The following CFAP46 variants were observed in gnomAD, a reference collection of about 807,000 sequenced individuals.
The protein encoded by CFAP46 is cilia and flagella associated protein 46.
CFAP46 carries 245 observed loss-of-function variants against 325.7 expected under a neutral mutation model. The observed-to-expected ratio is 0.75, with a 90% CI of 0.68 to 0.84. The LOEUF (loss-of-function observed/expected upper bound fraction) is 0.84, where lower values mean the gene tolerates loss of function less well. CFAP46 is among the 40% of genes least tolerant of loss of function. The pLI, the probability that CFAP46 is intolerant of heterozygous loss-of-function variation, is 0.00. For missense variants in CFAP46, 3,346 were observed against 3,543.0 expected (o/e 0.94, Z 1.41); for synonymous variants, 1,523 against 1,495.9 (o/e 1.02, Z -0.42).
At chr10:132,938,837 G>A (rs532958008) in intron 4 of CFAP46, 84 bp from the exon 5 acceptor site, 55 of 1,380,200 alleles carry the variant, frequency 4.0e-5, no homozygotes, top group Admixed American at 5.9e-5. Context: ...CTGTGTCTCC[G>A]GAGCCCCTCC....
rs757690129 is a variant in CFAP46, at chr10:132,885,940, C to A, written c.3324G>T (p.Ala1108=). 1.9e-6 allele frequency: 3 copies of A among 1,549,930 alleles called. No individual in the cohort carries two copies. The African/African-American group carries it at 4.1e-5, about 21-fold the overall frequency. Residue 1108 remains alanine, a synonymous_variant, in exon 26 of 58, where the codon GCG becomes GCT. Transcript: ENST00000368586. ...YFLPGAEDDL[A]LRAALYGLLF... is the part of the protein sequence containing the mutation. Reference sequence around the variant, plus strand: ...GCAGGCCGTAGAGCGCAGCACGGAGCGCCAGGTCGTCCTCAGCCCCTGGGA... The same window carrying A: ...GCAGGCCGTAGAGCGCAGCACGGAGAGCCAGGTCGTCCTCAGCCCCTGGGA...
At chr10:132,819,928 G>T (rs1372983486) in intron 50 of CFAP46, among the ~76,000 whole-genome samples, 1 of 152,202 alleles carries the variant, frequency 6.6e-6, no homozygotes, top group Admixed American at 6.5e-5. Context: ...TATGGCTAAG[G>T]AAATAACGTA....
chr10:132,882,493 G>T (rs980265181), intron 27 of CFAP46, among the ~76,000 whole-genome samples: 2 of 151,904 alleles, frequency 1.3e-5, no homozygotes, highest in African/African-American at 4.8e-5. Flanking sequence ...AACATCTCGA[G>T]GGGGAAGGCA....
chr10:132,922,662 T>G lies in CFAP46; in HGVS notation c.1303A>C (p.Ile435Leu), dbSNP rs1168471851. 16 of 1,549,884 alleles carry G rather than the reference T, an allele frequency of 1.0e-5. No individual in the cohort carries two copies. Among genetic ancestry groups the G allele is most frequent in the Non-Finnish European group, 1.1e-5 (13 of 1,146,796 alleles). ...TCCAGCCGGTCCTCGTCCTCCTCGA[T>G]CTGCGCCATCTCCATGTGCACTTGA... Reference protein sequence around the residue: ...RCQVHMEMAQIEEDEDRLEPA... With the variant: ...RCQVHMEMAQLEEDEDRLEPA... Residue 435 changes from isoleucine to leucine, a missense_variant, in exon 12 of 58, where the codon ATC becomes CTC. Coordinates refer to ENST00000368586, the MANE Select transcript of CFAP46 (RefSeq NM_001200049.3).
intron 4 of CFAP46, among the ~76,000 whole-genome samples, chr10:132,940,558 G>A (rs990725090): frequency 2.0e-5 from 3 of 152,154 alleles, no homozygotes; most frequent in Non-Finnish European, 4.4e-5. Flanking sequence ...GTGCGCCCGG[G>A]GAGGCCCTGG....
chr10:132,838,143 AGTCT>A (rs1458030473), intron 44 of CFAP46, among the ~76,000 whole-genome samples: 2 of 152,308 alleles, frequency 1.3e-5, no homozygotes, highest in African/African-American at 2.4e-5. Flanking sequence ...GTGGACTATG[AGTCT>A]GTCTAATACC....
In CFAP46 at chr10:132,836,102, TGCCCTGCTCCCCCTCCCCCTCCCCTGCA is replaced by T. The variant is rs767658440; in HGVS notation, c.6613+12_6613+39del. On this transcript the variant is annotated intron_variant, in intron 46 of 57. Transcript: ENST00000368586. ...TCCCCACTCTCGCCCATGCTCCGCCTGCCCTGCTCCCCCTCCCCCTCCCCTGCAGCCCTGCTCACCTCCCACCGCCTGC... is the reference window on the plus strand; with the variant it reads ...TCCCCACTCTCGCCCATGCTCCGCCTGCCCTGCTCACCTCCCACCGCCTGC... The T allele has an allele frequency of 5.5e-5, 74 of 1,341,948 alleles. No homozygotes were observed. The highest frequency in any genetic ancestry group is 7.2e-5 in the Non-Finnish European group (73 of 1,012,104). The allele number at this position is 1,341,948 out of a possible 1,614,324, so 83.1% of individuals were successfully genotyped here.
intron 35 of CFAP46, among the ~76,000 whole-genome samples, chr10:132,863,495 T>C (rs1206586187): frequency 6.6e-6 from 1 of 152,112 alleles, no homozygotes; most frequent in African/African-American, 2.4e-5. Context: ...CCGTCTCTGC[T>C]ATCAGAGACC....
In CFAP46 at chr10:132,873,081, A is replaced by C. The variant is rs1406226450; in HGVS notation, c.4363-257T>G. The stretch of plus-strand genomic sequence containing the variant: ...ATAATCTTTGTGAACATCAGCACCC[A>C]AGTATGAAGATCCTCACAAGAAACA... On this transcript the variant is annotated intron_variant, in intron 31 of 57. Coordinates refer to ENST00000368586, the MANE Select transcript of CFAP46 (RefSeq NM_001200049.3). 4.6e-5 allele frequency among the ~76,000 whole-genome samples: 7 copies of C among 152,128 alleles called. No individual in the cohort carries two copies. The East Asian group carries it at 1.2e-3, about 25-fold the overall frequency.
intron 49 of CFAP46, 144 bp from the exon 50 acceptor site, chr10:132,833,669 A>T: frequency 1.3e-6 from 1 of 781,054 alleles, no homozygotes; most frequent in East Asian, 2.6e-5. Flanking sequence ...CCTCCTCCAG[A>T]TGCCCCAGAA....
chr10:132,881,819 CA>C (rs111869923), intron 27 of CFAP46, among the ~76,000 whole-genome samples: 14,939 of 152,262 alleles, frequency 0.098, 2,006 homozygotes, highest in African/African-American at 0.3. Context: ...TTTCTGCTGT[CA>C]AATATCTGTG....
At position 132,872,666 on chromosome 10, in the gene CFAP46, C is replaced by G; in HGVS notation, c.4511+10G>C. 6.4e-7 allele frequency: 1 copy of G among 1,550,536 alleles called. No homozygotes were observed. Among genetic ancestry groups the G allele is most frequent in the South Asian group, 1.2e-5 (1 of 84,060 alleles). ...GGGAAATCACACTCCGAAAAAGGAG[C>G]TGTACCCACCGAAGGTGGTAGAGAT... On this transcript the variant is annotated intron_variant, in intron 32 of 57. Coordinates refer to ENST00000368586, the MANE Select transcript of CFAP46 (RefSeq NM_001200049.3).
chr10:132,912,516 T>A, intron 19 of CFAP46, 139 bp downstream of exon 19: 1 of 807,790 alleles, frequency 1.2e-6, no homozygotes, highest in Non-Finnish European at 1.9e-6. Context: ...TCCTCTCCTC[T>A]CTCTCTCTTC....
chr10:132,830,097 G>C (rs189718630), intron 50 of CFAP46, among the ~76,000 whole-genome samples: 1 of 152,038 alleles, frequency 6.6e-6, no homozygotes, highest in East Asian at 1.9e-4. Flanking sequence ...GGGAGGATGT[G>C]TGTAGAAATC....
chr10:132,826,636 A>G (rs1848060301), intron 50 of CFAP46, among the ~76,000 whole-genome samples: 5 of 127,458 alleles, frequency 3.9e-5, no homozygotes, highest in Admixed American at 3.8e-4. Context: ...CAGGAGCCGG[A>G]GCCACAGAGA....
chr10:132,821,350 T>C (rs1188245345), intron 50 of CFAP46, among the ~76,000 whole-genome samples: 2 of 124,596 alleles, frequency 1.6e-5, no homozygotes, highest in South Asian at 3.1e-4. Flanking sequence ...TGTGTGCTGA[T>C]GTGTGCTGTG....
chr10:132,881,047 A>G lies in CFAP46; in HGVS notation c.3628-15T>C. ...ATCTCAGGCTTCTGTGGGATTGAAC[A>G]GGAAGGGTGACATCCTCAGGATGGC... On this transcript the variant is annotated splice_polypyrimidine_tract_variant and intron_variant, in intron 27 of 57. Coordinates refer to ENST00000368586, the MANE Select transcript of CFAP46 (RefSeq NM_001200049.3). 3 of 1,549,572 alleles carry G rather than the reference A, an allele frequency of 1.9e-6. No individual in the cohort carries two copies. The highest frequency in any genetic ancestry group is 1.2e-5 in the South Asian group (1 of 84,050).
At chr10:132,829,607 C>G (rs1848116175) in intron 50 of CFAP46, among the ~76,000 whole-genome samples, 1 of 152,232 alleles carries the variant, frequency 6.6e-6, no homozygotes, top group Admixed American at 6.5e-5. Context: ...GGCTGCTGGC[C>G]TTAGGGGATG....
intron 28 of CFAP46, among the ~76,000 whole-genome samples, chr10:132,879,960 C>A (rs1179395094): frequency 6.6e-6 from 1 of 152,118 alleles, no homozygotes; most frequent in Admixed American, 6.5e-5. Flanking sequence ...CGTTCCTGTC[C>A]CAGACTGTCC....
Sources: gnomAD v4.1 joint callset for allele counts (sites outside exome capture counted in the v4.1 genomes callset) on GRCh38, gnomAD v4.1.1 for gene constraint, MANE v1.5 for transcripts, NCBI Gene and HGNC (gene_info 2026-07-23, HGNC 2026-07-21) for gene names.